The following ADAMTSL3 variants were observed in gnomAD, a reference collection of about 807,000 sequenced individuals.
ADAMTSL3 encodes ADAMTS-like protein 3.
In ADAMTSL3, 128 loss-of-function variants were observed where a neutral mutation model predicts 201.7. The ratio of observed to expected loss-of-function variants is 0.63; its 90% CI spans 0.55 to 0.73. The LOEUF is 0.73. Ranked by LOEUF, ADAMTSL3 falls within the 30% of genes least tolerant of loss-of-function variation. ADAMTSL3 has a pLI of 0.00. For missense variants in ADAMTSL3, 1,990 were observed against 2,119.6 expected, an observed-to-expected ratio of 0.94 and a Z score of 1.20; for synonymous variants, 738 against 748.4, an observed-to-expected ratio of 0.99 and a Z score of 0.23.
At chr15:83,669,503 T>C (rs2061297385) in intron 2 of ADAMTSL3, among the ~76,000 whole-genome samples, 2 of 105,182 alleles carry the variant, frequency 1.9e-5, no homozygotes, top group Non-Finnish European at 3.5e-5. Context: ...AGTCTTGCTC[T>C]GTCTCCCAGG....
chr15:83,667,922 T>C (rs1474406135), intron 2 of ADAMTSL3, among the ~76,000 whole-genome samples: 1 of 152,146 alleles, frequency 6.6e-6, no homozygotes, highest in Non-Finnish European at 1.5e-5. Flanking sequence ...TTGAGATCCC[T>C]GATGACTTTT....
intron 2 of ADAMTSL3, among the ~76,000 whole-genome samples, chr15:83,660,597 T>G (rs1209003154): frequency 6.6e-6 from 1 of 152,174 alleles, no homozygotes; most frequent in Admixed American, 6.5e-5. Flanking sequence ...CAGTAAGGTA[T>G]AAATATGGAG....
At chr15:83,982,191 C>G in intron 20 of ADAMTSL3, 82 bp from the exon 21 acceptor site, 1 of 1,099,000 alleles carries the variant, frequency 9.1e-7, no homozygotes, top group Non-Finnish European at 1.3e-6. Context: ...CTGTATCAGC[C>G]TTGAAAGATT....
In ADAMTSL3 at chr15:83,970,551, G is replaced by C. The variant is rs1265490791; in HGVS notation, c.2558G>C (p.Gly853Ala). ...KQVCQRLAAKGRRIPLSEMMC... is the reference protein window; with the variant it reads ...KQVCQRLAAKARRIPLSEMMC... ...GTGTGTCAAAGGCTGGCAGCCAAAG[G>C]TCGGCGCATCCCCCTCAGTGAGATG... The change falls in exon 20 of 30, where the codon GGT (glycine) becomes GCT (alanine). Residue 853 changes from glycine to alanine, a missense_variant. By Grantham distance (60) the Gly-to-Ala change is moderately conservative. Transcript: ENST00000286744. 1 of 1,614,206 alleles carries C rather than the reference G, an allele frequency of 6.2e-7. No individual in the cohort carries two copies. Among genetic ancestry groups the C allele is most frequent in the Middle Eastern group, 1.6e-4 (1 of 6,062 alleles).
At chr15:83,783,841 G>GTGTGTT (rs2063216946) in intron 4 of ADAMTSL3, among the ~76,000 whole-genome samples, 1 of 150,886 alleles carries the variant, frequency 6.6e-6, no homozygotes, top group South Asian at 2.1e-4. Context: ...TATACTCTGT[G>GTGTGTT]TGTGTGTGTG....
intron 2 of ADAMTSL3, among the ~76,000 whole-genome samples, chr15:83,658,753 A>G (rs918019492): frequency 9.9e-5 from 15 of 152,192 alleles, no homozygotes; most frequent in African/African-American, 3.6e-4. Context: ...AGTATTTGAG[A>G]GCTTTCCAAA....
intron 28 of ADAMTSL3, among the ~76,000 whole-genome samples, chr15:84,034,419 T>C (rs544646121): frequency 6.6e-6 from 1 of 152,286 alleles, no homozygotes; most frequent in South Asian, 2.1e-4. Context: ...GTGTTTACTA[T>C]ATGCCCTGGG....
At chr15:83,797,060 T>TA (rs1255867516) in intron 4 of ADAMTSL3, among the ~76,000 whole-genome samples, 5 of 151,808 alleles carry the variant, frequency 3.3e-5, no homozygotes, top group Non-Finnish European at 5.9e-5. Flanking sequence ...TCAAGCACAA[T>TA]AAAAAATACA....
chr15:83,747,503 C>T (rs2062565652), intron 3 of ADAMTSL3, among the ~76,000 whole-genome samples: 1 of 152,166 alleles, frequency 6.6e-6, no homozygotes, highest in South Asian at 2.1e-4. Flanking sequence ...TGAGAGAAGG[C>T]TTGGACGCTG....
rs560198596 is a variant in ADAMTSL3, at chr15:83,906,572, A to G, written c.1701-6520A>G. Among the ~76,000 whole-genome samples the G allele has an allele frequency of 3.3e-5, 5 of 150,034 alleles. No homozygotes were observed. In the South Asian group the frequency reaches 1.1e-3, roughly 32 times the overall value. ...CAGTAAATGTGGTTGAATTCTGGGA[A>G]AACTGGTAATTTTAGTATATGTATC... On this transcript the variant is annotated intron_variant, in intron 15 of 29. Transcript: ENST00000286744.
intron 3 of ADAMTSL3, 92 bp downstream of exon 3, chr15:83,704,600 T>C: frequency 1.3e-6 from 2 of 1,529,884 alleles, no homozygotes; most frequent in Non-Finnish European, 1.8e-6. Flanking sequence ...TAATTATATT[T>C]TCCTCTTTGC....
At chr15:83,894,507 A>G (rs1220638859) in intron 13 of ADAMTSL3, among the ~76,000 whole-genome samples, 5 of 152,206 alleles carry the variant, frequency 3.3e-5, no homozygotes, top group Admixed American at 3.3e-4. Flanking sequence ...TTTAAATGCC[A>G]TGATAATTTC....
intron 3 of ADAMTSL3, among the ~76,000 whole-genome samples, chr15:83,735,507 A>G (rs1426643048): frequency 6.6e-6 from 1 of 152,192 alleles, no homozygotes; most frequent in Non-Finnish European, 1.5e-5. Context: ...TCTTCTTTCC[A>G]GATTCATAGC....
intron 7 of ADAMTSL3, among the ~76,000 whole-genome samples, chr15:83,856,470 C>T (rs1282773248): frequency 6.6e-6 from 1 of 152,128 alleles, no homozygotes; most frequent in African/African-American, 2.4e-5. Context: ...AGCCACCATG[C>T]CTGGCCCCCT....
At chr15:83,821,631 C>G (rs1209113599) in intron 6 of ADAMTSL3, among the ~76,000 whole-genome samples, 1 of 151,754 alleles carries the variant, frequency 6.6e-6, no homozygotes, top group Admixed American at 6.6e-5. Flanking sequence ...AAAAGTCTCC[C>G]ATGTCTACCT....
intron 15 of ADAMTSL3, 131 bp downstream of exon 15, chr15:83,899,862 G>A: frequency 8.2e-7 from 1 of 1,214,388 alleles, no homozygotes; most frequent in Non-Finnish European, 1.1e-6. Flanking sequence ...ACTCTAGAGA[G>A]CTTGAGCTGG....
At chr15:83,683,328 C>T (rs2061498062) in intron 2 of ADAMTSL3, among the ~76,000 whole-genome samples, 1 of 152,184 alleles carries the variant, frequency 6.6e-6, no homozygotes, top group Non-Finnish European at 1.5e-5. Flanking sequence ...TTCCCCTCCT[C>T]TCAGTCCTTC....
At chr15:83,855,060 G>A (rs577585000) in intron 7 of ADAMTSL3, among the ~76,000 whole-genome samples, 2 of 152,074 alleles carry the variant, frequency 1.3e-5, no homozygotes, top group Non-Finnish European at 2.9e-5. Flanking sequence ...GTGTGCATAT[G>A]TGTCTATGTT....
chr15:83,778,192 A>G (rs2063112370), intron 4 of ADAMTSL3, among the ~76,000 whole-genome samples: 1 of 152,182 alleles, frequency 6.6e-6, no homozygotes, highest in Admixed American at 6.5e-5. Context: ...CTTGGAAAAC[A>G]TGTTTCAGGA....
Sources: gnomAD v4.1 joint callset for allele counts (sites outside exome capture counted in the v4.1 genomes callset) on GRCh38, gnomAD v4.1.1 for gene constraint, MANE v1.5 for transcripts, NCBI Gene and HGNC (gene_info 2026-07-23, HGNC 2026-07-21) for gene names.